TCN2: variants seen among roughly 807,000 people sequenced by gnomAD.
TCN2 encodes the protein transcobalamin 2, also known as transcobalamin-2.
A neutral mutation model predicts 48.6 loss-of-function variants in TCN2; 34 were observed. The ratio of observed to expected loss-of-function variants is 0.70; its 90% CI spans 0.53 to 0.93. The LOEUF (loss-of-function observed/expected upper bound fraction) is 0.93. TCN2 is among the 40% of genes least tolerant of loss of function. TCN2 has a pLI of 0.00. For missense variants in TCN2, 652 were observed against 526.1 expected (o/e 1.24, Z -2.34); for synonymous variants, 283 against 212.5 (o/e 1.33, Z -2.89).
intron 6 of TCN2, 22 bp from the exon 7 acceptor site, chr22:30,617,308 C>G: frequency 6.2e-7 from 1 of 1,614,066 alleles, no homozygotes; most frequent in Non-Finnish European, 8.5e-7. Context: ...ACCAGCTGCC[C>G]GCCCCTTTCT....
At chr22:30,615,915 A>C in intron 6 of TCN2, 128 bp downstream of exon 6, 2 of 1,138,400 alleles carry the variant, frequency 1.8e-6, no homozygotes, top group Non-Finnish European at 2.6e-6. Flanking sequence ...TGCATGGGAC[A>C]CAGCAGCCAA....
chr22:30,607,253 T>G lies in TCN2; in HGVS notation c.-79T>G. On this transcript the variant is annotated 5_prime_UTR_variant, in exon 1 of 9. Coordinates refer to ENST00000215838, the MANE Select transcript of TCN2 (RefSeq NM_000355.4). Reference sequence around the variant, plus strand: ...CGTCTCTCGGAGCGGTGACCAGCTGTGGTCAGGAGAGCCTCAGCAGGGCCA... The same window carrying G: ...CGTCTCTCGGAGCGGTGACCAGCTGGGGTCAGGAGAGCCTCAGCAGGGCCA... 6.8e-7 allele frequency: 1 copy of G among 1,470,622 alleles called. No homozygotes were observed. Among genetic ancestry groups the G allele is most frequent in the Middle Eastern group, 1.8e-4 (1 of 5,504 alleles). 91.1% of individuals were successfully genotyped at this position (1,470,622 alleles called of 1,614,324 possible).
Position 30,614,460 on chromosome 22 carries a change from T to C in TCN2, c.539T>C (p.Leu180Pro), listed in dbSNP as rs142651651. The C allele has an allele frequency of 3.7e-5, 60 of 1,614,194 alleles. No individual in the cohort carries two copies. The African/African-American group carries it at 7.2e-4, about 19-fold the overall frequency. ...CATGACAGCGTGGTGGACAAACTTC[T>C]GTATGCTGTGGAACCTTTCCACCAG... ...RVHDSVVDKL[L>P]YAVEPFHQGH... Residue 180 changes from leucine (L) to proline (P), a missense_variant, in exon 4 of 9, where the codon CTG (leucine) becomes CCG (proline). Transcript: ENST00000215838.
intron 7 of TCN2, among the ~76,000 whole-genome samples, chr22:30,619,791 C>G (rs1250161152): frequency 2.0e-5 from 3 of 152,170 alleles, no homozygotes; most frequent in Admixed American, 2.0e-4. Context: ...TACAAACATT[C>G]TCCCAGACCC....
chr22:30,611,196 C>T, intron 2 of TCN2, 133 bp downstream of exon 2: 1 of 1,069,726 alleles, frequency 9.3e-7, no homozygotes, highest in Non-Finnish European at 1.4e-6. Context: ...GAATGGAGGA[C>T]CTTTGTCCAT....
At chr22:30,619,713 A>G (rs1430519995) in intron 7 of TCN2, among the ~76,000 whole-genome samples, 4 of 152,228 alleles carry the variant, frequency 2.6e-5, no homozygotes, top group Admixed American at 6.5e-5. Flanking sequence ...GAGGGCCCAC[A>G]GTTGGTTCCT....
intron 8 of TCN2, 37 bp from the exon 9 acceptor site, chr22:30,626,423 C>T: frequency 6.2e-7 from 1 of 1,610,606 alleles, no homozygotes; most frequent in Non-Finnish European, 8.5e-7. Flanking sequence ...CGATATTCTG[C>T]CCAATTCGCC....
chr22:30,615,661 G>A lies in TCN2; in HGVS notation c.814G>A (p.Val272Ile), dbSNP rs796472626. 5 of 1,614,060 alleles carry A rather than the reference G, an allele frequency of 3.1e-6. No homozygotes were observed. Among genetic ancestry groups the A allele is most frequent in the African/African-American group, 2.7e-5 (2 of 74,918 alleles). ...GGGAACAGCATGTCTCAAGGCGAGG[G>A]TTGCTTTGCTGGCCAGTCTGCAGGA... Reference protein sequence around the residue: ...ELGTACLKARVALLASLQDGA... With the variant: ...ELGTACLKARIALLASLQDGA... The change falls in exon 6 of 9, where the codon GTT (valine) becomes ATT (isoleucine). Residue 272 changes from valine to isoleucine, a missense_variant. Val to Ile is a conservative substitution (Grantham distance 29). Transcript: ENST00000215838.
At position 30,614,430 on chromosome 22, in the gene TCN2, G is replaced by A. The variant is rs117353193; in HGVS notation, c.509G>A (p.Arg170Gln). Residue 170 changes from arginine to glutamine, a missense_variant, in exon 4 of 9, where the codon CGG becomes CAG. Transcript: ENST00000215838. Reference protein sequence around the residue: ...GILALCLHQKRVHDSVVDKLL... With the variant: ...GILALCLHQKQVHDSVVDKLL... ...CTGGCCCTGTGTCTCCACCAGAAGC[G>A]GGTCCATGACAGCGTGGTGGACAAA... 385 of 1,614,150 alleles carry A rather than the reference G, an allele frequency of 2.4e-4. 6 individuals are homozygous for A. In the East Asian group the frequency reaches 5.5e-3, roughly 23 times the overall value.
At position 30,617,449 on chromosome 22, in the gene TCN2, A is replaced by G. The variant is rs1191654085; in HGVS notation, c.1060A>G (p.Thr354Ala). 3.7e-6 allele frequency: 6 copies of G among 1,614,140 alleles called. No individual in the cohort carries two copies. Among genetic ancestry groups the G allele is most frequent in the Non-Finnish European group, 5.1e-6 (6 of 1,180,030 alleles). Residue 354 changes from threonine to alanine, a missense_variant, in exon 7 of 9, where the codon ACC (threonine) becomes GCC (alanine). Coordinates refer to ENST00000215838, the MANE Select transcript of TCN2 (RefSeq NM_000355.4). ...GTCCATCTCTGTTCTGGCCGGGTCC[A>G]CCGTGGAAGATGTCCTGAAGAAGGC... ...RQSISVLAGS[T>A]VEDVLKKAHE...
chr22:30,624,354 G>A (rs12485165), intron 8 of TCN2, among the ~76,000 whole-genome samples: 1 of 151,724 alleles, frequency 6.6e-6, no homozygotes, highest in East Asian at 1.9e-4. Context: ...GATTACAGGC[G>A]TGAGCCACCA....
intron 7 of TCN2, among the ~76,000 whole-genome samples, chr22:30,622,271 G>C (rs1185257425): frequency 6.6e-5 from 10 of 152,248 alleles, no homozygotes; most frequent in Admixed American, 3.9e-4. Flanking sequence ...ACAGGGTTGA[G>C]CCACTGTGCC....
Position 30,615,329 on chromosome 22 carries a change from C to T in TCN2, c.609C>T (p.Phe203=), listed in dbSNP as rs1336980912. The change falls in exon 5 of 9, where the codon TTC becomes TTT. Residue 203 remains phenylalanine, a synonymous_variant. Transcript: ENST00000215838. ...VDTAAMAGLA[F]TCLKRSNFNP... is the part of the protein sequence containing the mutation. ...CAGCAGCCATGGCAGGCTTGGCATT[C>T]ACCTGTCTGAAGCGCTCAAACTTCA... 4.3e-6 allele frequency: 7 copies of T among 1,614,228 alleles called. No homozygotes were observed. Among genetic ancestry groups the T allele is most frequent in the Non-Finnish European group, 5.9e-6 (7 of 1,180,040 alleles).
At chr22:30,621,812 C>G (rs377172398) in intron 7 of TCN2, among the ~76,000 whole-genome samples, 2 of 152,142 alleles carry the variant, frequency 1.3e-5, no homozygotes, top group East Asian at 3.9e-4. Context: ...AGACCATTCC[C>G]CCAAATTCTG....
At chr22:30,607,609 A>T (rs1164760960) in intron 1 of TCN2, among the ~76,000 whole-genome samples, 2 of 152,182 alleles carry the variant, frequency 1.3e-5, no homozygotes, top group Non-Finnish European at 1.5e-5. Context: ...TCGTTCACAC[A>T]TTCATTCAGC....
rs2087564385 is a variant in TCN2, at chr22:30,613,034, G to C, written c.419G>C (p.Arg140Thr). The C allele has an allele frequency of 6.2e-7, 1 of 1,613,988 alleles. No individual in the cohort carries two copies. The highest frequency in any genetic ancestry group is 2.2e-5 in the East Asian group (1 of 44,866). ...QLKWFLEDEK[R>T]AIGHDHKGHP... ...AAATGGTTCCTGGAGGATGAGAAGA[G>C]AGCCATTGGTGAGCAGACACCATCC... The change falls in exon 3 of 9, where the codon AGA becomes ACA. Residue 140 changes from arginine to threonine, a missense_variant. Physicochemically the swap from Arg to Thr is moderately conservative, Grantham distance 71. Coordinates refer to ENST00000215838, the MANE Select transcript of TCN2 (RefSeq NM_000355.4).
At chr22:30,619,017 G>A (rs2087657924) in intron 7 of TCN2, among the ~76,000 whole-genome samples, 1 of 152,106 alleles carries the variant, frequency 6.6e-6, no homozygotes, top group South Asian at 2.1e-4. Flanking sequence ...TGATATGTCT[G>A]CCTCAGCCTC....
intron 3 of TCN2, 132 bp downstream of exon 3, chr22:30,613,174 T>G (rs983684829): frequency 1.5e-6 from 2 of 1,305,260 alleles, no homozygotes; most frequent in African/African-American, 2.9e-5. Flanking sequence ...CCCATCTCAC[T>G]GCCTACGTAG....
At position 30,617,333 on chromosome 22, in the gene TCN2, T is replaced by A; in HGVS notation, c.944T>A (p.Met315Lys). 6.2e-7 allele frequency: 1 copy of A among 1,614,148 alleles called. No individual in the cohort carries two copies. The highest frequency in any genetic ancestry group is 8.5e-7 in the Non-Finnish European group (1 of 1,180,032). The stretch of plus-strand genomic sequence containing the variant: ...CGCCCCTTTCTTCCTGGCACAGTCA[T>A]GTTGGAACCAGCTGCTGAGACCATT... The part of the protein sequence containing the change: ...IFPDCLAPRV[M>K]LEPAAETIPQ... The change falls in exon 7 of 9, where the codon ATG (methionine) becomes AAG (lysine). Residue 315 changes from methionine to lysine, a missense_variant. Physicochemically the swap from Met to Lys is moderately conservative, Grantham distance 95. Transcript: ENST00000215838.
Sources: gnomAD v4.1 joint callset for allele counts (sites outside exome capture counted in the v4.1 genomes callset) on GRCh38, gnomAD v4.1.1 for gene constraint, MANE v1.5 for transcripts, NCBI Gene and HGNC (gene_info 2026-07-23, HGNC 2026-07-21) for gene names.